ZNF75A: variants seen among roughly 807,000 people sequenced by gnomAD.
ZNF75A encodes zinc finger protein 75A.
Under a neutral mutation model 46.3 loss-of-function variants are expected in ZNF75A, and 36 were observed. The observed-to-expected ratio is 0.78, with a 90% CI of 0.60 to 1.03. The LOEUF is 1.03. Among genes scored for constraint, ZNF75A ranks in the 50% least tolerant of loss-of-function variants. ZNF75A has a pLI of 0.00. For missense variants in ZNF75A, 595 were observed against 551.3 expected, an observed-to-expected ratio of 1.08 and a Z score of -0.79; for synonymous variants, 234 against 189.9, an observed-to-expected ratio of 1.23 and a Z score of -1.91.
chr16:3,307,975 ATTCTT>A (rs1322354375), intron 1 of ZNF75A: 1 of 152,172 alleles, frequency 6.6e-6, no homozygotes, highest in Non-Finnish European at 1.5e-5. Context: ...ATTTTCTCCT[ATTCTT>A]TTCTTATGGG....
chr16:3,307,364 G>A (rs912301433), intron 1 of ZNF75A: 1 of 152,212 alleles, frequency 6.6e-6, no homozygotes, highest in Non-Finnish European at 1.5e-5. Flanking sequence ...AATGCAGTTA[G>A]ATGCTGTTGG....
chr16:3,310,918 C>T (rs1464111478), intron 2 of ZNF75A: 10 of 985,272 alleles, frequency 1.0e-5, no homozygotes, highest in African/African-American at 1.7e-5. Context: ...CAGGGCAGGA[C>T]CTATGTTTGG....
chr16:3,321,328 A>G (rs961927832), downstream of ZNF75A, among the ~76,000 whole-genome samples: 2 of 152,178 alleles, frequency 1.3e-5, no homozygotes, highest in Non-Finnish European at 2.9e-5. Flanking sequence ...TAGCAGCCTT[A>G]CCGTGGCTTC....
In ZNF75A at chr16:3,318,694, T is replaced by A; in HGVS notation, c.*825T>A. On this transcript the variant is annotated 3_prime_UTR_variant, in exon 7 of 7. Transcript: ENST00000669516. ...TTCTCAGTTTTGTTTGTTTACTTTT[T>A]AATTGGCTTTTCTTTGTTGTTAAGA... 1.0e-6 allele frequency: 1 copy of A among 985,454 alleles called. No individual in the cohort carries two copies. The highest frequency in any genetic ancestry group is 1.2e-6 in the Non-Finnish European group (1 of 829,940). The allele number at this position is 985,454 out of a possible 1,614,324, so 61.0% of individuals were successfully genotyped here.
chr16:3,309,930 GA>G (rs113640369), intron 2 of ZNF75A, among the ~76,000 whole-genome samples: 26 of 140,484 alleles, frequency 1.9e-4, no homozygotes, highest in East Asian at 6.1e-4. Context: ...TTGTTGCTAT[GA>G]AAAAAAAAAA....
downstream of ZNF75A, among the ~76,000 whole-genome samples, chr16:3,319,005 A>G (rs1297151424): frequency 2.6e-5 from 4 of 151,990 alleles, no homozygotes; most frequent in African/African-American, 9.7e-5. Flanking sequence ...TAGCCTATGG[A>G]TTTTCTTACA....
rs917113602 is a variant in ZNF75A, at chr16:3,308,739, C to CA, written c.312dup (p.Gln105ThrfsTer13). ...TTCCTGACTATTCTGCCCAGGGAGA[C>CA]ACAGACCCAGATGCAGAAGCACCAT... On this transcript the variant is annotated frameshift_variant, in exon 2 of 7. Coordinates refer to ENST00000669516, the MANE Select transcript of ZNF75A (RefSeq NM_001302109.2). LOFTEE classifies it high-confidence loss of function. 5.1e-6 allele frequency: 5 copies of CA among 989,830 alleles called. No individual in the cohort carries two copies. The African/African-American group carries it at 8.7e-5, about 17-fold the overall frequency. The allele number at this position is 989,830 out of a possible 1,614,324, so 61.3% of individuals were successfully genotyped here. A position where few individuals can be genotyped will look rare whatever the true frequency, so the allele number is the denominator to read the frequency against.
At chr16:3,319,797 A>ATTTTTTTTTTTTTTTT (rs550277242), downstream of ZNF75A, among the ~76,000 whole-genome samples, 2 of 133,346 alleles carry the variant, frequency 1.5e-5, no homozygotes, top group African/African-American at 2.8e-5. Flanking sequence ...TTTTTTTTTT[A>ATTTTTTTTTTTTTTTT]TTTTTTTTTT....
chr16:3,317,053 G>A (rs372020253), intron 6 of ZNF75A, 31 bp downstream of exon 6: 2 of 1,585,156 alleles, frequency 1.3e-6, no homozygotes, highest in African/African-American at 1.4e-5. Flanking sequence ...GGAGAAATGT[G>A]CCTTGATGTG....
chr16:3,315,120 T>A, intron 5 of ZNF75A: 1 of 983,764 alleles, frequency 1.0e-6, no homozygotes, highest in South Asian at 4.7e-5. Context: ...TTCTCCATCA[T>A]GTTTTTCCCA....
intron 2 of ZNF75A, among the ~76,000 whole-genome samples, chr16:3,309,962 G>A (rs1192467728): frequency 6.6e-6 from 1 of 151,954 alleles, no homozygotes; most frequent in Non-Finnish European, 1.5e-5. Context: ...CAGGCTGATG[G>A]CACATGCCTC....
At chr16:3,311,648 G>A (rs928880477) in intron 2 of ZNF75A, 105 bp from the exon 3 acceptor site, 14 of 457,536 alleles carry the variant, frequency 3.1e-5, no homozygotes, top group Non-Finnish European at 3.2e-5. Context: ...ATTTTTTTTA[G>A]TGTCTTATAC....
intron 5 of ZNF75A, among the ~76,000 whole-genome samples, chr16:3,315,432 T>G (rs1961138905): frequency 6.6e-6 from 1 of 152,146 alleles, no homozygotes; most frequent in African/African-American, 2.4e-5. Context: ...CCTGACCTTG[T>G]GATCCACCTG....
At chr16:3,313,196 T>A in intron 5 of ZNF75A, 21 bp downstream of exon 5, 1 of 1,611,456 alleles carries the variant, frequency 6.2e-7, no homozygotes, top group Non-Finnish European at 8.5e-7. Context: ...TCCCTTCCCT[T>A]TATGTAGTTG....
intron 5 of ZNF75A, among the ~76,000 whole-genome samples, chr16:3,313,983 T>C (rs1961004318): frequency 6.6e-6 from 1 of 152,182 alleles, no homozygotes; most frequent in Non-Finnish European, 1.5e-5. Flanking sequence ...CTGGGCTTCC[T>C]GAATACTTCA....
At chr16:3,315,162 G>A (rs1961107662) in intron 5 of ZNF75A, 1 of 791,782 alleles carries the variant, frequency 1.3e-6, no homozygotes, top group South Asian at 5.8e-5. Context: ...TTATCCAGTT[G>A]CTCAGGGCAA....
In ZNF75A at chr16:3,317,547, A is replaced by T; in HGVS notation, c.1292A>T (p.Lys431Ile). ...QRIHTEEKPY[K>I]CQQCDKRFRW... ...ATTCACACTGAAGAGAAACCCTATAAATGTCAACAGTGTGATAAGAGGTTT... is the reference window on the plus strand; with the variant it reads ...ATTCACACTGAAGAGAAACCCTATATATGTCAACAGTGTGATAAGAGGTTT... Residue 431 changes from lysine to isoleucine, a missense_variant, in exon 7 of 7, where the codon AAA becomes ATA. By Grantham distance (102) the Lys-to-Ile change is moderately radical. Coordinates refer to ENST00000669516, the MANE Select transcript of ZNF75A (RefSeq NM_001302109.2). 1.2e-6 allele frequency: 2 copies of T among 1,614,112 alleles called. No homozygotes were observed. Among genetic ancestry groups the T allele is most frequent in the Non-Finnish European group, 1.7e-6 (2 of 1,179,994 alleles).
intron 5 of ZNF75A, chr16:3,316,050 G>C (rs1424788498): frequency 6.6e-6 from 1 of 152,198 alleles, no homozygotes; most frequent in Non-Finnish European, 1.5e-5. Context: ...CTTTCTCAAA[G>C]AGGTGTCCCA....
In ZNF75A at chr16:3,308,464, G is replaced by A. The variant is rs1567265857; in HGVS notation, c.36G>A (p.Leu12=). ...TAGATCTGAAAGTGGCTGCGTACTTGGACCCTCAGATCAGGGCTTTGTGGG... is the reference window on the plus strand; with the variant it reads ...TAGATCTGAAAGTGGCTGCGTACTTAGACCCTCAGATCAGGGCTTTGTGGG... ...MMVDLKVAAY[L]DPQIRALWET... Residue 12 remains leucine, a synonymous_variant, in exon 2 of 7, where the codon TTG becomes TTA. Coordinates refer to ENST00000669516, the MANE Select transcript of ZNF75A (RefSeq NM_001302109.2). The A allele has an allele frequency of 8.1e-6, 8 of 985,742 alleles. No individual in the cohort carries two copies. The highest frequency in any genetic ancestry group is 5.2e-4 in the Middle Eastern group (1 of 1,938). The allele number at this position is 985,742 out of a possible 1,614,324, so 61.1% of individuals were successfully genotyped here.
Sources: allele counts gnomAD v4.1 joint callset (sites outside exome capture counted in the v4.1 genomes callset), GRCh38; gene constraint gnomAD v4.1.1; transcripts MANE v1.5; gene names NCBI Gene and HGNC (gene_info 2026-07-23, HGNC 2026-07-21).